The following WDPCP variants were observed in gnomAD, a reference collection of about 807,000 sequenced individuals.
The protein encoded by WDPCP is WD repeat containing planar cell polarity effector.
A neutral mutation model predicts 93.1 loss-of-function variants in WDPCP; 71 were observed. The observed-to-expected ratio is 0.76, with a 90% CI of 0.63 to 0.93. The LOEUF (loss-of-function observed/expected upper bound fraction) is 0.93. Among genes scored for constraint, WDPCP ranks in the 40% least tolerant of loss-of-function variants. The pLI, the probability that WDPCP is intolerant of heterozygous loss-of-function variation, is 0.00. For missense variants in WDPCP, 844 were observed against 887.4 expected, an observed-to-expected ratio of 0.95 and a Z score of 0.62; for synonymous variants, 315 against 315.0, an observed-to-expected ratio of 1.00 and a Z score of 0.00.
At chr2:63,826,751 C>T (rs958973376) in intron 1 of WDPCP, among the ~76,000 whole-genome samples, 9 of 152,014 alleles carry the variant, frequency 5.9e-5, no homozygotes, top group African/African-American at 2.2e-4. Flanking sequence ...AAATAGCATC[C>T]CTCTTCTACT....
intron 3 of WDPCP, chr2:63,597,238 A>G: frequency 2.1e-6 from 2 of 956,626 alleles, no homozygotes; most frequent in Non-Finnish European, 2.5e-6. Flanking sequence ...TATGATTGTT[A>G]AATTAATATA....
intron 2 of WDPCP, among the ~76,000 whole-genome samples, chr2:63,667,571 C>T (rs1669572948): frequency 6.6e-6 from 1 of 152,192 alleles, no homozygotes; most frequent in Non-Finnish European, 1.5e-5. Context: ...CAGTTCAGAA[C>T]ATTTCTGGAG....
intron 1 of WDPCP, among the ~76,000 whole-genome samples, chr2:63,582,722 G>T (rs189073436): frequency 7.9e-5 from 12 of 151,992 alleles, no homozygotes; most frequent in African/African-American, 2.9e-4. Context: ...AAAGATGATA[G>T]TAGATTTTTA....
At chr2:63,378,634 G>C in intron 11 of WDPCP, 125 bp from the exon 12 acceptor site, 2 of 1,368,926 alleles carry the variant, frequency 1.5e-6, no homozygotes, top group Admixed American at 3.7e-5. Flanking sequence ...TTGCAGGAAA[G>C]ATAAAATTAA....
Position 63,437,534 on chromosome 2 carries a change from TAAAAC to T in WDPCP, c.515_519del (p.Ser172AsnfsTer24). ...TTTTGTGCCAAAAATGATAAGATGATAAAACTGTCTGTGAGAAGAGCTAAAAAACA... is the reference window on the plus strand; with the variant it reads ...TTTTGTGCCAAAAATGATAAGATGATTGTCTGTGAGAAGAGCTAAAAAACA... On this transcript the variant is annotated frameshift_variant, in exon 8 of 18. Coordinates refer to ENST00000272321, the MANE Select transcript of WDPCP (RefSeq NM_015910.7). LOFTEE classifies it high-confidence loss of function. 6.3e-7 allele frequency: 1 copy of T among 1,592,614 alleles called. No homozygotes were observed. The highest frequency in any genetic ancestry group is 1.2e-5 in the South Asian group (1 of 86,826).
At chr2:63,495,661 C>T (rs1315964336) in intron 1 of WDPCP, among the ~76,000 whole-genome samples, 2 of 152,084 alleles carry the variant, frequency 1.3e-5, no homozygotes, top group African/African-American at 2.4e-5. Flanking sequence ...CTAAGAGTCC[C>T]CAGCTATAAA....
chr2:63,645,176 A>T (rs1171294510), intron 3 of WDPCP, among the ~76,000 whole-genome samples: 2 of 152,144 alleles, frequency 1.3e-5, no homozygotes, highest in African/African-American at 4.8e-5. Context: ...CTTTTGCTGT[A>T]CCACAAAGGT....
chr2:63,691,915 T>G (rs909256495), intron 2 of WDPCP, among the ~76,000 whole-genome samples: 51 of 150,658 alleles, frequency 3.4e-4, no homozygotes, highest in African/African-American at 1.1e-3. Context: ...TGTGTGTGTA[T>G]TTTTCTATTC....
At position 63,409,349 on chromosome 2, in the gene WDPCP, G is replaced by C. The variant is rs143284268; in HGVS notation, c.826-4692C>G. On this transcript the variant is annotated intron_variant, in intron 9 of 17. Coordinates refer to ENST00000272321, the MANE Select transcript of WDPCP (RefSeq NM_015910.7). Reference sequence around the variant, plus strand: ...GAAGCCACATCCATAGGAAGAGGGGGAGAGTACTACATCAAGAGAACACGC... The same window carrying C: ...GAAGCCACATCCATAGGAAGAGGGGCAGAGTACTACATCAAGAGAACACGC... Among the ~76,000 whole-genome samples, 322 of 152,306 alleles carry C rather than the reference G, an allele frequency of 2.1e-3. 1 individual carries two copies. The highest frequency in any genetic ancestry group is 3.7e-3 in the Non-Finnish European group (254 of 68,042).
intron 8 of WDPCP, among the ~76,000 whole-genome samples, chr2:63,434,510 G>T (rs1313070949): frequency 1.3e-5 from 2 of 152,156 alleles, no homozygotes; most frequent in African/African-American, 2.4e-5. Context: ...AGGATTTGTA[G>T]AATTTATTAT....
intron 3 of WDPCP, chr2:63,605,928 G>C (rs1285974709): frequency 5.6e-6 from 9 of 1,609,304 alleles, no homozygotes; most frequent in Non-Finnish European, 7.7e-6. Context: ...GTGAAACATT[G>C]TTATTTTCAG....
chr2:63,675,064 C>T (rs993398895), intron 2 of WDPCP, among the ~76,000 whole-genome samples: 5 of 152,100 alleles, frequency 3.3e-5, no homozygotes, highest in Non-Finnish European at 7.3e-5. Flanking sequence ...CTTGGGGTTC[C>T]TTTTGAACCC....
At chr2:63,382,629 T>C (rs1038595644) in intron 10 of WDPCP, among the ~76,000 whole-genome samples, 3 of 152,272 alleles carry the variant, frequency 2.0e-5, no homozygotes, top group South Asian at 2.1e-4. Flanking sequence ...CAAAGTAGTA[T>C]AAAATATTAC....
intron 17 of WDPCP, among the ~76,000 whole-genome samples, chr2:63,147,697 G>A (rs915414591): frequency 2.6e-5 from 4 of 152,122 alleles, no homozygotes; most frequent in East Asian, 1.9e-4. Context: ...GGCTGGGTGC[G>A]GTGGCTTATG....
intron 3 of WDPCP, among the ~76,000 whole-genome samples, chr2:63,620,215 A>G (rs1466360505): frequency 1.3e-5 from 2 of 152,178 alleles, no homozygotes; most frequent in African/African-American, 2.4e-5. Flanking sequence ...CAGGGAGCCA[A>G]CTGGTCTAGC....
chr2:63,319,848 T>C (rs1052685211), intron 12 of WDPCP, among the ~76,000 whole-genome samples: 2 of 152,180 alleles, frequency 1.3e-5, no homozygotes, highest in African/African-American at 2.4e-5. Flanking sequence ...AATTATATTA[T>C]GTAGTAAGTA....
chr2:63,311,175 A>T (rs1686161855), intron 13 of WDPCP, among the ~76,000 whole-genome samples: 1 of 152,158 alleles, frequency 6.6e-6, no homozygotes, highest in Non-Finnish European at 1.5e-5. Flanking sequence ...GTGTGATCCC[A>T]TTGTGATTCA....
intron 12 of WDPCP, among the ~76,000 whole-genome samples, chr2:63,326,415 G>A (rs1687545349): frequency 6.6e-6 from 1 of 152,144 alleles, no homozygotes; most frequent in Non-Finnish European, 1.5e-5. Context: ...AACTGTACTT[G>A]AAAGTAAGCC....
At chr2:63,526,587 C>T (rs552256876) in intron 1 of WDPCP, among the ~76,000 whole-genome samples, 38 of 152,334 alleles carry the variant, frequency 2.5e-4, no homozygotes, top group Middle Eastern at 3.4e-3. Flanking sequence ...CTCCAGAAAC[C>T]TGTGCTTTCT....
Sources: allele counts gnomAD v4.1 joint callset (sites outside exome capture counted in the v4.1 genomes callset), GRCh38; gene constraint gnomAD v4.1.1; transcripts MANE v1.5; gene names NCBI Gene and HGNC (gene_info 2026-07-23, HGNC 2026-07-21).